The following USP50 variants were observed in gnomAD, a reference collection of about 807,000 sequenced individuals.
The protein encoded by USP50 is ubiquitin specific peptidase 50.
USP50 carries 37 observed loss-of-function variants against 39.2 expected under a neutral mutation model. The observed-to-expected ratio is 0.94, with a 90% CI of 0.73 to 1.24. The LOEUF (loss-of-function observed/expected upper bound fraction) is 1.24. Ranked by LOEUF, USP50 falls within the 50% of genes most tolerant of loss-of-function variation. USP50 has a pLI of 0.00. For synonymous variants in USP50, 139 were observed against 144.5 expected, an observed-to-expected ratio of 0.96 and a Z score of 0.27; for missense variants, 374 against 398.2, an observed-to-expected ratio of 0.94 and a Z score of 0.52.
intron 4 of USP50, among the ~76,000 whole-genome samples, chr15:50,539,307 T>C (rs1265778934): frequency 6.6e-6 from 1 of 151,430 alleles, no homozygotes; most frequent in Non-Finnish European, 1.5e-5. Flanking sequence ...TGGGGTGATC[T>C]GCCTACCTTG....
chr15:50,499,235 G>C, downstream of USP50: 1 of 659,044 alleles, frequency 1.5e-6, no homozygotes, highest in Non-Finnish European at 2.3e-6. Flanking sequence ...ATATAATTCC[G>C]GTCAGTGCTG....
At chr15:50,496,563 G>T (rs1419442431), downstream of USP50, among the ~76,000 whole-genome samples, 1 of 149,220 alleles carries the variant, frequency 6.7e-6, no homozygotes, top group African/African-American at 2.5e-5. Flanking sequence ...AGATTAGAAA[G>T]AATTAGAAAT....
intron 6 of USP50, among the ~76,000 whole-genome samples, chr15:50,520,004 G>A (rs575121197): frequency 7.2e-5 from 11 of 152,084 alleles, no homozygotes; most frequent in African/African-American, 1.9e-4. Flanking sequence ...CACTATTCAC[G>A]ACATCCAAGA....
intron 6 of USP50, among the ~76,000 whole-genome samples, chr15:50,519,921 C>A (rs1440094077): frequency 1.3e-5 from 2 of 152,128 alleles, no homozygotes; most frequent in South Asian, 4.1e-4. Context: ...ATCCAGCAAT[C>A]CACTACTGGG....
rs777787772 is a variant in USP50 at position 50,543,706 on chromosome 15, G to C, written c.336C>G (p.Phe112Leu). The C allele has an allele frequency of 3.7e-5, 59 of 1,612,116 alleles. No homozygotes were observed. Among genetic ancestry groups the C allele is most frequent in the Non-Finnish European group, 4.8e-5 (57 of 1,179,092 alleles). The change falls in exon 3 of 7, where the codon TTC (phenylalanine) becomes TTG (leucine). Residue 112 changes from phenylalanine (F) to leucine (L), a missense_variant. By Grantham distance (22) the Phe-to-Leu change is conservative. Coordinates refer to ENST00000532404, the MANE Select transcript of USP50 (RefSeq NM_203494.5). ...GGTAGAGGTTGCCAAGAGCTGACCAGAATATTTCTGGTGAGACACAGTCTG... is the reference window on the plus strand; with the variant it reads ...GGTAGAGGTTGCCAAGAGCTGACCACAATATTTCTGGTGAGACACAGTCTG... ...GDSDCVSPEI[F>L]WSALGNLYPA... is the part of the protein sequence containing the mutation.
At position 50,500,809 on chromosome 15, in the gene USP50, T is replaced by C; in HGVS notation, c.965A>G (p.His322Arg). 1 of 1,589,098 alleles carries C rather than the reference T, an allele frequency of 6.3e-7. No individual in the cohort carries two copies. The highest frequency in any genetic ancestry group is 8.6e-7 in the Non-Finnish European group (1 of 1,167,146). The change falls in exon 7 of 7, where the codon CAC becomes CGC. Residue 322 changes from histidine to arginine, a missense_variant. Coordinates refer to ENST00000532404, the MANE Select transcript of USP50 (RefSeq NM_203494.5). ...VNHFGDLDGG[H>R]YTAFCKNSVT... ...TGAATTCTTGCAGAAAGCAGTGTAG[T>C]GGCCACCATCCAAATCACCAAAATG... is the stretch of plus-strand genomic sequence containing the variant.
Position 50,544,580 on chromosome 15 carries a change from G to C in USP50, c.248+7C>G, listed in dbSNP as rs754917762. 5.0e-6 allele frequency: 8 copies of C among 1,610,910 alleles called. No individual in the cohort carries two copies. The highest frequency in any genetic ancestry group is 6.8e-6 in the Non-Finnish European group (8 of 1,178,316). ...GGCTGGGCTGCAGGGAATGCAAATG[G>C]TCTTACTTTTGCAGAGCGGTGATAT... is the stretch of plus-strand genomic sequence containing the variant. On this transcript the variant is annotated splice_region_variant and intron_variant, in intron 2 of 6. Transcript: ENST00000532404.
chr15:50,536,455 A>T (rs970570193), intron 5 of USP50, among the ~76,000 whole-genome samples: 8 of 152,296 alleles, frequency 5.3e-5, no homozygotes, highest in African/African-American at 1.9e-4. Context: ...AGCCTGGCCA[A>T]CATGACGAAA....
chr15:50,528,065 GTTTT>G (rs57802702), intron 6 of USP50, among the ~76,000 whole-genome samples: 86 of 128,710 alleles, frequency 6.7e-4, no homozygotes, highest in African/African-American at 2.2e-3. Context: ...AAAGAACTAA[GTTTT>G]TTTTTTTTTT....
chr15:50,534,157 T>G (rs1306299174), intron 5 of USP50, among the ~76,000 whole-genome samples: 1 of 152,128 alleles, frequency 6.6e-6, no homozygotes, highest in Admixed American at 6.6e-5. Flanking sequence ...TTCAAAACAA[T>G]AATAGGGACA....
At chr15:50,524,651 T>C (rs1053687000) in intron 6 of USP50, among the ~76,000 whole-genome samples, 11 of 152,260 alleles carry the variant, frequency 7.2e-5, no homozygotes, top group Admixed American at 6.5e-4. Context: ...AAAGGAATCC[T>C]GTACTTTGTT....
downstream of USP50, chr15:50,493,100 G>C (rs1392144439): frequency 1.4e-6 from 1 of 698,576 alleles, no homozygotes; most frequent in Admixed American, 2.1e-5. Flanking sequence ...CCGGCATCTG[G>C]TGCGCTTTTT....
At chr15:50,503,911 A>C (rs954166106) in intron 6 of USP50, 1 of 152,232 alleles carries the variant, frequency 6.6e-6, no homozygotes, top group Non-Finnish European at 1.5e-5. Context: ...AGGACTTTAG[A>C]TAATAGAATT....
downstream of USP50, chr15:50,493,083 C>T (rs781719602): frequency 1.3e-5 from 10 of 754,226 alleles, no homozygotes; most frequent in Non-Finnish European, 1.8e-5. Flanking sequence ...AGGCCATCGT[C>T]TAGGTGCCGG....
intron 3 of USP50, among the ~76,000 whole-genome samples, chr15:50,542,122 T>C (rs2053034545): frequency 6.6e-6 from 1 of 152,032 alleles, no homozygotes; most frequent in African/African-American, 2.4e-5. Flanking sequence ...TGTGGCCTGG[T>C]TTGGATCCAG....
chr15:50,542,061 AG>A (rs2053033937), intron 3 of USP50, among the ~76,000 whole-genome samples: 1 of 151,034 alleles, frequency 6.6e-6, no homozygotes, highest in African/African-American at 2.4e-5. Flanking sequence ...AAAAAAAAAA[AG>A]ATAAGAGAGC....
At chr15:50,542,065 AAG>A (rs2053034066) in intron 3 of USP50, among the ~76,000 whole-genome samples, 1 of 151,272 alleles carries the variant, frequency 6.6e-6, no homozygotes. Flanking sequence ...AAAAAAAGAT[AAG>A]AGAGCAAATC....
intron 3 of USP50, among the ~76,000 whole-genome samples, chr15:50,542,442 G>A (rs1477527231): frequency 6.8e-6 from 1 of 147,776 alleles, no homozygotes; most frequent in Non-Finnish European, 1.5e-5. Flanking sequence ...TTAAAAAAGT[G>A]CTGCCATGAA....
rs2053071384 is a variant in USP50, at chr15:50,546,418, C to T, written c.53+55G>A. Reference sequence around the variant, plus strand: ...GTGTGTGTCCCCTGACTCCTCTGAGCTTGACTTTCCCACCACTGGGCTAAT... The same window carrying T: ...GTGTGTGTCCCCTGACTCCTCTGAGTTTGACTTTCCCACCACTGGGCTAAT... On this transcript the variant is annotated intron_variant, in intron 1 of 6. Transcript: ENST00000532404. 12 of 1,599,018 alleles carry T rather than the reference C, an allele frequency of 7.5e-6. No individual in the cohort carries two copies. In the South Asian group the frequency reaches 1.3e-4, roughly 18 times the overall value.
Sources: gnomAD v4.1 joint callset for allele counts (sites outside exome capture counted in the v4.1 genomes callset) on GRCh38, gnomAD v4.1.1 for gene constraint, MANE v1.5 for transcripts, NCBI Gene and HGNC (gene_info 2026-07-23, HGNC 2026-07-21) for gene names.